The following HHAT variants were observed in gnomAD, a reference collection of about 807,000 sequenced individuals.
HHAT encodes hedgehog acyltransferase, also known as protein-cysteine N-palmitoyltransferase HHAT.
A neutral mutation model predicts 70.8 loss-of-function variants in HHAT; 47 were observed. The ratio of observed to expected loss-of-function variants is 0.66; its 90% CI spans 0.53 to 0.85. HHAT has a LOEUF of 0.85. Among genes scored for constraint, HHAT ranks in the 40% least tolerant of loss-of-function variants. The pLI is 0.00. For missense variants in HHAT, 609 were observed against 604.8 expected, an observed-to-expected ratio of 1.01 and a Z score of -0.07; for synonymous variants, 228 against 247.6, an observed-to-expected ratio of 0.92 and a Z score of 0.74.
chr1:210,373,189 C>A (rs1044709023), intron 3 of HHAT, among the ~76,000 whole-genome samples: 32 of 151,860 alleles, frequency 2.1e-4, no homozygotes, highest in African/African-American at 7.7e-4. Context: ...AGTGCTGTAA[C>A]ATGATTCAGA....
At chr1:210,585,749 G>C (rs576656872) in intron 9 of HHAT, among the ~76,000 whole-genome samples, 1 of 152,184 alleles carries the variant, frequency 6.6e-6, no homozygotes, top group South Asian at 2.1e-4. Context: ...ATACAGCTTG[G>C]ATAAGGGGGA....
At chr1:210,453,883 A>G (rs2093806716) in intron 7 of HHAT, among the ~76,000 whole-genome samples, 1 of 152,250 alleles carries the variant, frequency 6.6e-6, no homozygotes, top group Admixed American at 6.5e-5. Flanking sequence ...CACAGCTGAT[A>G]AAGACATACC....
intron 10 of HHAT, among the ~76,000 whole-genome samples, chr1:210,612,798 A>G (rs1391701206): frequency 6.6e-6 from 1 of 152,174 alleles, no homozygotes; most frequent in Admixed American, 6.5e-5. Flanking sequence ...TCATGTCCTC[A>G]TCAACACGTG....
chr1:210,434,740 A>T (rs1013612252), intron 7 of HHAT, among the ~76,000 whole-genome samples: 2 of 151,976 alleles, frequency 1.3e-5, no homozygotes, highest in South Asian at 4.1e-4. Flanking sequence ...TAGAAGGGGA[A>T]AGAGATGGGA....
intron 11 of HHAT, among the ~76,000 whole-genome samples, chr1:210,639,504 C>T (rs1672575472): frequency 6.6e-6 from 1 of 152,194 alleles, no homozygotes; most frequent in South Asian, 2.1e-4. Flanking sequence ...TGATACATAG[C>T]CAGCGTCTTG....
At chr1:210,370,608 C>CTTTTTTT in intron 3 of HHAT, among the ~76,000 whole-genome samples, 1 of 102,684 alleles carries the variant, frequency 9.7e-6, no homozygotes, top group African/African-American at 4.3e-5. Flanking sequence ...ATTGCAGATG[C>CTTTTTTT]TATTTTTTTT....
At chr1:210,556,691 T>G (rs2095576047) in intron 9 of HHAT, among the ~76,000 whole-genome samples, 1 of 152,234 alleles carries the variant, frequency 6.6e-6, no homozygotes. Context: ...TGTTGTTGAT[T>G]AGCTCTTTGA....
At chr1:210,621,991 C>T (rs1668932713) in intron 10 of HHAT, among the ~76,000 whole-genome samples, 1 of 152,146 alleles carries the variant, frequency 6.6e-6, no homozygotes. Context: ...AGAACAGACC[C>T]TGGGGCTGGC....
chr1:210,350,621 G>A (rs967707801), intron 2 of HHAT, among the ~76,000 whole-genome samples: 1 of 152,144 alleles, frequency 6.6e-6, no homozygotes, highest in African/African-American at 2.4e-5. Context: ...TAGCAATCTT[G>A]TTATTATAGC....
chr1:210,564,747 A>G (rs1443700994), intron 9 of HHAT, among the ~76,000 whole-genome samples: 2 of 151,438 alleles, frequency 1.3e-5, no homozygotes, highest in African/African-American at 4.8e-5. Context: ...AGAGAGACAC[A>G]GATGTAGCCA....
At chr1:210,378,558 C>A (rs1445519678) in intron 3 of HHAT, among the ~76,000 whole-genome samples, 2 of 151,858 alleles carry the variant, frequency 1.3e-5, no homozygotes, top group Non-Finnish European at 2.9e-5. Context: ...AATTGATATA[C>A]AATAGTTGTA....
intron 10 of HHAT, among the ~76,000 whole-genome samples, chr1:210,618,399 TG>T (rs1018083950): frequency 1.3e-5 from 2 of 152,192 alleles, no homozygotes; most frequent in African/African-American, 4.8e-5. Flanking sequence ...TCTTACCCTC[TG>T]GTTAGCATTT....
At chr1:210,575,654 T>C (rs1038290150) in intron 9 of HHAT, among the ~76,000 whole-genome samples, 4 of 152,190 alleles carry the variant, frequency 2.6e-5, no homozygotes, top group Admixed American at 6.5e-5. Flanking sequence ...CTAGTTTTGA[T>C]GCATGACATC....
chr1:210,388,289 T>C (rs566360599), intron 4 of HHAT, among the ~76,000 whole-genome samples: 45 of 152,302 alleles, frequency 3.0e-4, no homozygotes, highest in Admixed American at 5.9e-4. Flanking sequence ...AAACCTGATT[T>C]GGAAGTCAAC....
At chr1:210,532,183 A>G (rs1280976605) in intron 9 of HHAT, among the ~76,000 whole-genome samples, 3 of 152,228 alleles carry the variant, frequency 2.0e-5, no homozygotes, top group African/African-American at 2.4e-5. Context: ...AGTGAAATCC[A>G]TTTTGGAAAT....
At chr1:210,539,627 C>T (rs1329309098) in intron 9 of HHAT, among the ~76,000 whole-genome samples, 2 of 152,134 alleles carry the variant, frequency 1.3e-5, no homozygotes, top group African/African-American at 4.8e-5. Flanking sequence ...TAGAGAGTCA[C>T]AGAGATGGGG....
intron 7 of HHAT, among the ~76,000 whole-genome samples, chr1:210,446,826 G>A (rs12119492): frequency 0.34 from 52,152 of 151,982 alleles, 9,373 homozygotes; most frequent in Admixed American, 0.48. Flanking sequence ...CCAGCGTTCT[G>A]CATCACCAGA....
At chr1:210,384,419 G>A (rs941610214) in intron 3 of HHAT, among the ~76,000 whole-genome samples, 3 of 152,138 alleles carry the variant, frequency 2.0e-5, no homozygotes, top group Non-Finnish European at 4.4e-5. Context: ...GCTGTAGGAA[G>A]GCATAATCAG....
chr1:210,626,628 C>G (rs1286721078), intron 11 of HHAT, among the ~76,000 whole-genome samples: 1 of 152,052 alleles, frequency 6.6e-6, no homozygotes, highest in Non-Finnish European at 1.5e-5. Flanking sequence ...GTTTAGATAT[C>G]TCTTGGAGGA....
Sources: allele counts gnomAD v4.1 joint callset (sites outside exome capture counted in the v4.1 genomes callset), GRCh38; gene constraint gnomAD v4.1.1; transcripts MANE v1.5; gene names NCBI Gene and HGNC (gene_info 2026-07-23, HGNC 2026-07-21).